DCC: variants seen among roughly 807,000 people sequenced by gnomAD.
DCC encodes the protein DCC netrin 1 receptor.
In DCC, 58 loss-of-function variants were observed where a neutral mutation model predicts 172.5. That is an observed-to-expected ratio of 0.34 (90% CI 0.27 to 0.42). The LOEUF (loss-of-function observed/expected upper bound fraction) is 0.42. DCC is among the 10% of genes least tolerant of loss of function. DCC has a pLI of 1.00. For synonymous variants in DCC, 709 were observed against 644.5 expected, an observed-to-expected ratio of 1.10 and a Z score of -1.52; for missense variants, 1,740 against 1,791.0, an observed-to-expected ratio of 0.97 and a Z score of 0.51.
At chr18:52,629,462 G>C (rs1466264957) in intron 1 of DCC, among the ~76,000 whole-genome samples, 1 of 152,102 alleles carries the variant, frequency 6.6e-6, no homozygotes, top group African/African-American at 2.4e-5. Context: ...GGGTGGATTA[G>C]GGGGAGCAAC....
intron 1 of DCC, among the ~76,000 whole-genome samples, chr18:52,649,662 G>A (rs1427622877): frequency 1.3e-5 from 2 of 152,010 alleles, no homozygotes; most frequent in South Asian, 2.1e-4. Flanking sequence ...AGAAAATGTA[G>A]TATTGACTTT....
chr18:52,662,972 G>T (rs1030363082), intron 1 of DCC, among the ~76,000 whole-genome samples: 1 of 152,038 alleles, frequency 6.6e-6, no homozygotes, highest in African/African-American at 2.4e-5. Flanking sequence ...TAAACACCCT[G>T]GGGACTAGGA....
chr18:53,108,869 T>A (rs2043289162), intron 7 of DCC, among the ~76,000 whole-genome samples: 1 of 151,488 alleles, frequency 6.6e-6, no homozygotes, highest in South Asian at 2.1e-4. Context: ...TGTGGCTGTT[T>A]TGCTAGAATG....
intron 7 of DCC, among the ~76,000 whole-genome samples, chr18:53,079,548 A>C (rs2042769458): frequency 6.6e-6 from 1 of 152,174 alleles, no homozygotes; most frequent in South Asian, 2.1e-4. Context: ...TTCTGAATGC[A>C]CGTGTTAAGT....
At chr18:53,091,571 T>G (rs1406648502) in intron 7 of DCC, among the ~76,000 whole-genome samples, 1 of 151,530 alleles carries the variant, frequency 6.6e-6, no homozygotes, top group African/African-American at 2.4e-5. Flanking sequence ...GTGAGGACCC[T>G]TTTCTGGGCT....
At chr18:53,289,809 C>T (rs1223406315) in intron 12 of DCC, among the ~76,000 whole-genome samples, 1 of 151,978 alleles carries the variant, frequency 6.6e-6, no homozygotes, top group Non-Finnish European at 1.5e-5. Context: ...CAAAAGTCAC[C>T]TATTAAGCCA....
At chr18:52,967,912 T>A (rs1243186341) in intron 5 of DCC, among the ~76,000 whole-genome samples, 1 of 152,194 alleles carries the variant, frequency 6.6e-6, no homozygotes, top group East Asian at 1.9e-4. Context: ...TATATGCCTA[T>A]GTAGTTATTT....
intron 13 of DCC, among the ~76,000 whole-genome samples, chr18:53,309,962 G>GTATATA (rs5825007): frequency 0.025 from 3,376 of 133,206 alleles, 129 homozygotes; most frequent in African/African-American, 0.085. Context: ...ATATACGTGT[G>GTATATA]TGTATATATA....
chr18:53,384,297 G>A (rs954023820), intron 15 of DCC, among the ~76,000 whole-genome samples: 3 of 152,086 alleles, frequency 2.0e-5, no homozygotes, highest in Non-Finnish European at 4.4e-5. Flanking sequence ...TTCTTCTGCC[G>A]TAAAATGTTA....
At chr18:53,499,947 T>A (rs796691493) in intron 27 of DCC, among the ~76,000 whole-genome samples, 13 of 152,312 alleles carry the variant, frequency 8.5e-5, no homozygotes, top group African/African-American at 2.9e-4. Context: ...CTTTCAATAG[T>A]CATTTCTCAG....
chr18:53,024,857 T>C (rs1254775692), intron 5 of DCC, among the ~76,000 whole-genome samples: 1 of 152,158 alleles, frequency 6.6e-6, no homozygotes, highest in Non-Finnish European at 1.5e-5. Context: ...ACTAACAATT[T>C]GCTGTAGCTT....
intron 1 of DCC, among the ~76,000 whole-genome samples, chr18:52,444,044 G>A (rs2195780): frequency 7.2e-5 from 11 of 152,246 alleles, no homozygotes; most frequent in African/African-American, 2.2e-4. Flanking sequence ...ACAGATGCCC[G>A]GGATTTCTGT....
intron 1 of DCC, among the ~76,000 whole-genome samples, chr18:52,579,869 A>C (rs1384850328): frequency 6.6e-6 from 1 of 152,230 alleles, no homozygotes; most frequent in East Asian, 1.9e-4. Context: ...ATTATGTCAA[A>C]ATCACTAACT....
At chr18:53,410,051 T>C (rs1254184310) in intron 19 of DCC, among the ~76,000 whole-genome samples, 1 of 152,224 alleles carries the variant, frequency 6.6e-6, no homozygotes, top group African/African-American at 2.4e-5. Context: ...CAATACATTT[T>C]TATTAAGCAC....
chr18:52,621,320 C>A (rs1229978761), intron 1 of DCC, among the ~76,000 whole-genome samples: 2 of 152,150 alleles, frequency 1.3e-5, no homozygotes, highest in African/African-American at 4.8e-5. Context: ...GAAATAACTG[C>A]ACTGGTGATG....
chr18:53,397,870 A>G (rs1364871669), intron 18 of DCC, among the ~76,000 whole-genome samples: 1 of 152,224 alleles, frequency 6.6e-6, no homozygotes, highest in Non-Finnish European at 1.5e-5. Flanking sequence ...CCGAAGTCTC[A>G]TGGATATTTA....
intron 2 of DCC, among the ~76,000 whole-genome samples, chr18:52,796,688 TAGTC>T (rs979638891): frequency 4.7e-4 from 72 of 152,298 alleles, no homozygotes; most frequent in African/African-American, 1.6e-3. Context: ...AGTCCACTGT[TAGTC>T]TGATGGAGGT....
intron 1 of DCC, among the ~76,000 whole-genome samples, chr18:52,395,574 A>G (rs1986193190): frequency 6.6e-6 from 1 of 152,050 alleles, no homozygotes; most frequent in African/African-American, 2.4e-5. Context: ...AGTTGGAGTG[A>G]CACAGTTTTA....
rs116291133 is a variant in DCC at position 52,849,587 on chromosome 18, G to C, written c.413-56457G>C. On this transcript the variant is annotated intron_variant, in intron 2 of 28. Transcript: ENST00000442544. The stretch of plus-strand genomic sequence containing the variant: ...ATTCACAGGCAATATAGCATCTTTT[G>C]TACCTATTTCCAAAACAGAATCTCA... Among the ~76,000 whole-genome samples, 555 of 152,264 alleles carry C rather than the reference G, an allele frequency of 3.6e-3. 1 individual carries two copies. Among genetic ancestry groups the C allele is most frequent in the African/African-American group, 0.012 (510 of 41,552 alleles).
Sources: allele counts gnomAD v4.1 joint callset (sites outside exome capture counted in the v4.1 genomes callset), GRCh38; gene constraint gnomAD v4.1.1; transcripts MANE v1.5; gene names NCBI Gene and HGNC (gene_info 2026-07-23, HGNC 2026-07-21).